SPIDR: variants seen among roughly 807,000 people sequenced by gnomAD.
SPIDR encodes DNA repair-scaffolding protein.
A neutral mutation model predicts 104.6 loss-of-function variants in SPIDR; 93 were observed. That is an observed-to-expected ratio of 0.89 (90% confidence interval 0.75 to 1.06). SPIDR has a LOEUF of 1.06. Among genes scored for constraint, SPIDR ranks in the 50% least tolerant of loss-of-function variants. The probability of loss-of-function intolerance (pLI) is 0.00; values close to 1 mark genes in which losing one functional copy is unlikely to be tolerated. For synonymous variants in SPIDR, 431 were observed against 416.9 expected, an observed-to-expected ratio of 1.03 and a Z score of -0.41; for missense variants, 1,154 against 1,111.2, an observed-to-expected ratio of 1.04 and a Z score of -0.55.
intron 8 of SPIDR, among the ~76,000 whole-genome samples, chr8:47,525,636 A>G (rs2084857709): frequency 1.3e-5 from 2 of 152,060 alleles, no homozygotes. Context: ...CCCCATCTCT[A>G]CCAAAAATAC....
chr8:47,394,186 C>T (rs548523344), intron 5 of SPIDR, among the ~76,000 whole-genome samples: 13 of 152,298 alleles, frequency 8.5e-5, no homozygotes, highest in African/African-American at 3.1e-4. Flanking sequence ...GGATTACACC[C>T]ACCCAGCCAG....
chr8:47,519,166 CAG>C (rs1471928030), intron 8 of SPIDR, among the ~76,000 whole-genome samples: 2 of 151,162 alleles, frequency 1.3e-5, no homozygotes, highest in African/African-American at 4.9e-5. Flanking sequence ...GTTTTGGAGA[CAG>C]AGTTTCGCTC....
chr8:47,644,173 G>A (rs1288754446), intron 10 of SPIDR, among the ~76,000 whole-genome samples: 1 of 152,160 alleles, frequency 6.6e-6, no homozygotes. Context: ...GGCCAAGCCA[G>A]TCCTGTGGTG....
At chr8:47,506,657 T>C (rs1459981921) in intron 8 of SPIDR, among the ~76,000 whole-genome samples, 1 of 152,094 alleles carries the variant, frequency 6.6e-6, no homozygotes, top group Non-Finnish European at 1.5e-5. Context: ...TACAAGTGGT[T>C]ACTACCCATT....
At chr8:47,408,859 A>G (rs1212966980) in intron 7 of SPIDR, among the ~76,000 whole-genome samples, 2 of 152,236 alleles carry the variant, frequency 1.3e-5, no homozygotes, top group Non-Finnish European at 2.9e-5. Context: ...CTTGGAAATT[A>G]AGAAAGCAGT....
At chr8:47,354,644 T>G (rs2054181180) in intron 5 of SPIDR, among the ~76,000 whole-genome samples, 1 of 152,080 alleles carries the variant, frequency 6.6e-6, no homozygotes, top group East Asian at 1.9e-4. Flanking sequence ...TATTTTAAAT[T>G]TTTTATTTTT....
At chr8:47,675,839 C>T (rs574050144) in intron 11 of SPIDR, among the ~76,000 whole-genome samples, 3 of 152,254 alleles carry the variant, frequency 2.0e-5, no homozygotes, top group African/African-American at 7.2e-5. Flanking sequence ...TCATTGTAAA[C>T]ATTTCAGACT....
Position 47,505,843 on chromosome 8 carries a change from C to T in SPIDR, c.1097+65301C>T, listed in dbSNP as rs117408300. ...TAAGGATATTAGTGTTCACTCTCTC[C>T]GAACCGTTACCTTTTGTGAATTTTT... On this transcript the variant is annotated intron_variant, in intron 8 of 19. Coordinates refer to ENST00000297423, the MANE Select transcript of SPIDR (RefSeq NM_001080394.4). 8.8e-4 allele frequency among the ~76,000 whole-genome samples: 134 copies of T among 152,294 alleles called. 1 individual carries two copies. In the East Asian group the frequency reaches 0.016, roughly 18 times the overall value.
At chr8:47,447,614 A>G (rs2070909848) in intron 8 of SPIDR, among the ~76,000 whole-genome samples, 2 of 152,258 alleles carry the variant, frequency 1.3e-5, no homozygotes, top group South Asian at 4.1e-4. Flanking sequence ...AACTTGATTG[A>G]TAAAGCAGCA....
chr8:47,568,481 A>G (rs1468779322), intron 8 of SPIDR, among the ~76,000 whole-genome samples: 1 of 152,198 alleles, frequency 6.6e-6, no homozygotes, highest in Non-Finnish European at 1.5e-5. Context: ...ACTATTTTGG[A>G]ACTCTGAGTA....
At chr8:47,466,214 T>G (rs1188320149) in intron 8 of SPIDR, among the ~76,000 whole-genome samples, 3 of 152,168 alleles carry the variant, frequency 2.0e-5, no homozygotes, top group African/African-American at 7.2e-5. Flanking sequence ...AGCTACAGAA[T>G]ATACATTCTT....
intron 5 of SPIDR, among the ~76,000 whole-genome samples, chr8:47,322,494 T>G (rs527612985): frequency 2.0e-5 from 3 of 152,210 alleles, no homozygotes; most frequent in African/African-American, 4.8e-5. Context: ...TTGGTGGGAC[T>G]GTAAACTAGT....
intron 6 of SPIDR, among the ~76,000 whole-genome samples, chr8:47,399,010 A>G (rs2154314742): frequency 6.6e-6 from 1 of 152,340 alleles, no homozygotes; most frequent in East Asian, 1.9e-4. Context: ...TGGACTCGAG[A>G]GAATGGAAAG....
intron 7 of SPIDR, among the ~76,000 whole-genome samples, chr8:47,439,888 A>G (rs1306872380): frequency 6.6e-6 from 1 of 152,226 alleles, no homozygotes; most frequent in Admixed American, 6.5e-5. Context: ...GCCAGCTAGT[A>G]ACATACATGA....
Position 47,301,274 on chromosome 8 carries a change from C to T in SPIDR, c.525+7244C>T, listed in dbSNP as rs1363676471. Among the ~76,000 whole-genome samples, 29 of 152,242 alleles carry T rather than the reference C, an allele frequency of 1.9e-4. 2 individuals carry two copies. In the South Asian group the frequency reaches 5.8e-3, roughly 30 times the overall value. ...TCAGAGACTAGGATTGAAACCCCTG[C>T]CTTTTTTTGTTTTCCATTTCCTTGT... On this transcript the variant is annotated intron_variant, in intron 5 of 19. Coordinates refer to ENST00000297423, the MANE Select transcript of SPIDR (RefSeq NM_001080394.4).
intron 8 of SPIDR, among the ~76,000 whole-genome samples, chr8:47,501,677 C>T (rs1320619887): frequency 1.1e-4 from 16 of 152,006 alleles, no homozygotes; most frequent in Non-Finnish European, 1.9e-4. Context: ...CTTCCAACAC[C>T]ATGTTGAATA....
intron 8 of SPIDR, among the ~76,000 whole-genome samples, chr8:47,573,096 ATGACT>A (rs2154406896): frequency 6.6e-6 from 1 of 152,346 alleles, no homozygotes; most frequent in Non-Finnish European, 1.5e-5. Context: ...AAAGTATAAA[ATGACT>A]TGAAGTTCTA....
chr8:47,426,506 C>T (rs1313726229), intron 7 of SPIDR, among the ~76,000 whole-genome samples: 4 of 151,930 alleles, frequency 2.6e-5, no homozygotes, highest in African/African-American at 4.8e-5. Context: ...TCCATCATAA[C>T]ATTATAATTC....
chr8:47,383,072 C>T (rs936058481), intron 5 of SPIDR, among the ~76,000 whole-genome samples: 1 of 152,132 alleles, frequency 6.6e-6, no homozygotes, highest in African/African-American at 2.4e-5. Context: ...TGTTGGAAGC[C>T]CAGGAGTTAG....
Sources: allele counts gnomAD v4.1 joint callset (sites outside exome capture counted in the v4.1 genomes callset), GRCh38; gene constraint gnomAD v4.1.1; transcripts MANE v1.5; gene names NCBI Gene and HGNC (gene_info 2026-07-23, HGNC 2026-07-21).